Variants in MIAT observed in about 807,000 individuals in gnomAD.
MIAT encodes MI related novel mRNA.
exon 6 of MIAT, chr22:26,669,137 C>G (rs1412084790): frequency 2.5e-6 from 1 of 398,626 alleles, no homozygotes; most frequent in Admixed American, 4.4e-5. Context: ...ATCTGCAATT[C>G]CAGCTCCCTC....
chr22:26,670,363 A>G (rs1930999463), downstream of MIAT: 2 of 398,308 alleles, frequency 5.0e-6, no homozygotes, highest in South Asian at 2.5e-4. Context: ...ATGGGATAAA[A>G]CCAGCTCACA....
At chr22:26,671,882 C>G (rs772208368), downstream of MIAT, 15 of 398,258 alleles carry the variant, frequency 3.8e-5, no homozygotes, top group Non-Finnish European at 6.2e-5. Flanking sequence ...CCTGGTTGAA[C>G]ACGTCTGCTG....
downstream of MIAT, chr22:26,672,291 C>T: frequency 5.0e-6 from 2 of 399,180 alleles, no homozygotes; most frequent in Non-Finnish European, 8.8e-6. Flanking sequence ...AAGCAGATGA[C>T]CTGGGGCTAC....
downstream of MIAT, chr22:26,673,004 C>T (rs1268884725): frequency 1.3e-5 from 5 of 398,522 alleles, no homozygotes; most frequent in Non-Finnish European, 2.2e-5. Context: ...AGACGTGGGG[C>T]CGTGACCGGA....
At chr22:26,659,864 C>T (rs76790835) in intron 2 of MIAT, among the ~76,000 whole-genome samples, 3 of 125,508 alleles carry the variant, frequency 2.4e-5, no homozygotes, top group Non-Finnish European at 3.2e-5. Context: ...TGAAACAGAG[C>T]CTTACTTTTT....
In MIAT at chr22:26,647,136, C is replaced by T. The variant is rs565182101; in HGVS notation, n.509-38C>T. 2.5e-5 allele frequency: 10 copies of T among 398,528 alleles called. No homozygotes were observed. In the East Asian group the frequency reaches 3.2e-4, roughly 13 times the overall value. 24.7% of individuals were successfully genotyped at this position (398,528 alleles called of 1,614,324 possible). On this transcript the variant is annotated intron_variant and non_coding_transcript_variant, in intron 1 of 5. Coordinates refer to ENST00000643270, the Ensembl canonical transcript of MIAT. ...TATTGAAACGGAGACCTCAGGCAAG[C>T]CACCTTTCTTCTCTGGGTCTCTGTT...
downstream of MIAT, chr22:26,670,292 G>A (rs1001657641): frequency 5.0e-6 from 2 of 398,484 alleles, no homozygotes; most frequent in Non-Finnish European, 8.8e-6. Flanking sequence ...TAGCCATTTG[G>A]GGGAAATATA....
exon 1 of MIAT, chr22:26,646,718 C>A: frequency 2.5e-6 from 1 of 398,594 alleles, no homozygotes; most frequent in East Asian, 3.6e-5. Flanking sequence ...ATCCCAGAAC[C>A]TGAAACACAG....
chr22:26,672,305 C>T (rs1409118359), downstream of MIAT: 2 of 399,062 alleles, frequency 5.0e-6, no homozygotes, highest in East Asian at 3.6e-5. Context: ...GGGCTACTGG[C>T]CCTGTAGACA....
At chr22:26,652,120 C>T (rs918776000) in intron 2 of MIAT, among the ~76,000 whole-genome samples, 3 of 152,232 alleles carry the variant, frequency 2.0e-5, no homozygotes, top group African/African-American at 7.2e-5. Flanking sequence ...CAGCCGTCCA[C>T]GTAGCTGGGA....
exon 4 of MIAT, chr22:26,666,539 T>C (rs1179455928): frequency 1.0e-5 from 4 of 398,554 alleles, no homozygotes; most frequent in Non-Finnish European, 1.8e-5. Flanking sequence ...GGGATCAGAA[T>C]TCTGGATTCC....
At chr22:26,651,415 C>T (rs527691376) in intron 2 of MIAT, among the ~76,000 whole-genome samples, 13 of 152,232 alleles carry the variant, frequency 8.5e-5, no homozygotes, top group South Asian at 4.1e-4. Flanking sequence ...AGGTGTGGCC[C>T]GGCAGAGAAG....
chr22:26,651,124 C>T (rs1395338561), intron 2 of MIAT, among the ~76,000 whole-genome samples: 1 of 152,146 alleles, frequency 6.6e-6, no homozygotes, highest in East Asian at 1.9e-4. Flanking sequence ...TGTTGAAAGG[C>T]ACATTCTTTC....
exon 2 of MIAT, chr22:26,647,259 C>T (rs555232525): frequency 7.8e-5 from 31 of 396,056 alleles, no homozygotes; most frequent in South Asian, 1.3e-4. Flanking sequence ...GGAAGGCCTC[C>T]GGGGTAGCAC....
intron 2 of MIAT, among the ~76,000 whole-genome samples, chr22:26,648,669 G>A (rs1602352696): frequency 2.0e-5 from 3 of 151,342 alleles, no homozygotes; most frequent in Admixed American, 2.0e-4. Flanking sequence ...TTTAAGTGCC[G>A]CTAATGTAGT....
chr22:26,667,419 TGTGTGTATGC>T, intron 5 of MIAT: 1 of 374,914 alleles, frequency 2.7e-6, no homozygotes. Flanking sequence ...CGCGTGTATG[TGTGTGTATGC>T]GCGCGTGTGT....
intron 3 of MIAT, among the ~76,000 whole-genome samples, chr22:26,664,321 C>T (rs988525730): frequency 6.6e-6 from 1 of 152,116 alleles, no homozygotes; most frequent in Non-Finnish European, 1.5e-5. Flanking sequence ...CTCATACTTC[C>T]TGTTGCATGT....
exon 6 of MIAT, chr22:26,668,228 A>G (rs899620060): frequency 5.0e-6 from 2 of 398,384 alleles, no homozygotes; most frequent in African/African-American, 2.1e-5. Context: ...GTGACCTTGG[A>G]TTCTGGCCAC....
intron 2 of MIAT, among the ~76,000 whole-genome samples, chr22:26,654,474 A>C (rs570193264): frequency 6.6e-6 from 1 of 152,292 alleles, no homozygotes; most frequent in South Asian, 2.1e-4. Context: ...ACCTCTATGG[A>C]TCCCCTGTAT....
Sources: gnomAD v4.1 joint callset for allele counts (sites outside exome capture counted in the v4.1 genomes callset) on GRCh38, gnomAD v4.1.1 for gene constraint, MANE v1.5 for transcripts, NCBI Gene and HGNC (gene_info 2026-07-23, HGNC 2026-07-21) for gene names.